The following NHSL2 variants were observed in gnomAD, a reference collection of about 807,000 sequenced individuals.
NHSL2 encodes the protein NHS-like protein 2.
NHSL2 carries 27 observed loss-of-function variants against 53.4 expected under a neutral mutation model. The observed-to-expected ratio is 0.51, with a 90% confidence interval of 0.37 to 0.70. NHSL2 has a LOEUF of 0.70. Ranked by LOEUF, NHSL2 falls within the 30% of genes least tolerant of loss-of-function variation. The pLI is 0.00. For synonymous variants in NHSL2, 408 were observed against 404.1 expected (o/e 1.01, Z -0.12); for missense variants, 892 against 980.1 (o/e 0.91, Z 1.20).
intron 1 of NHSL2, among the ~76,000 whole-genome samples, chrX:71,965,609 A>G (rs1364883128): frequency 8.9e-6 from 1 of 111,927 alleles, no homozygotes; most frequent in Non-Finnish European, 1.9e-5. Flanking sequence ...ACCTCTCCAT[A>G]TAAACTTTAG....
intron 1 of NHSL2, among the ~76,000 whole-genome samples, chrX:71,936,418 T>C (rs1396061072): frequency 1.8e-5 from 2 of 112,102 alleles, no homozygotes; most frequent in Non-Finnish European, 3.8e-5. Flanking sequence ...AGTGGGTCAG[T>C]GGATGGCCTC....
chrX:71,997,181 G>A (rs1186474025), intron 1 of NHSL2, among the ~76,000 whole-genome samples: 1 of 111,740 alleles, frequency 8.9e-6, no homozygotes, highest in East Asian at 2.8e-4. Context: ...GGTGGGGCAG[G>A]GCCACTACAA....
chrX:72,031,092 C>A (rs1046500313), intron 1 of NHSL2, among the ~76,000 whole-genome samples: 14 of 112,201 alleles, frequency 1.2e-4, no homozygotes, highest in African/African-American at 4.5e-4. Flanking sequence ...CATAATTTAA[C>A]ACTCGGAAGG....
chrX:71,964,709 C>T (rs1035271205), intron 1 of NHSL2, among the ~76,000 whole-genome samples: 1 of 112,115 alleles, frequency 8.9e-6, no homozygotes. Flanking sequence ...AGCCAGCTTA[C>T]AGTTAAGCCT....
chrX:72,150,194 A>G lies in NHSL2; in HGVS notation c.*6620A>G, dbSNP rs189674140. ...CAATATGTGCACCCTACTTAGTACA[A>G]TGGATGTTTTCCCTAAAAGTTGTGT... On this transcript the variant is annotated 3_prime_UTR_variant, in exon 8 of 8. Transcript: ENST00000633930. 1 of 112,720 alleles carries G rather than the reference A, an allele frequency of 8.9e-6. No homozygotes were observed. Among genetic ancestry groups the G allele is most frequent in the Non-Finnish European group, 1.9e-5 (1 of 53,344 alleles). The allele number at this position is 112,720 out of a possible 1,213,427, so 9.3% of individuals were successfully genotyped here. A position where few individuals can be genotyped will look rare whatever the true frequency, so the allele number is the denominator to read the frequency against.
rs1406854024 is a variant in NHSL2, at chrX:72,152,815, T to C, written c.*9241T>C. ...TAGGAAGGGAAACCAGGCTTGTGCC[T>C]TGGATCCAAAAGCAGCAAAAATACT... On this transcript the variant is annotated 3_prime_UTR_variant, in exon 8 of 8. Transcript: ENST00000633930. The C allele has an allele frequency of 8.9e-6, 1 of 112,829 alleles. No homozygotes were observed. Among genetic ancestry groups the C allele is most frequent in the Non-Finnish European group, 1.9e-5 (1 of 53,397 alleles). 9.3% of individuals were successfully genotyped at this position (112,829 alleles called of 1,213,427 possible).
chrX:71,975,098 A>G (rs2041942605), intron 1 of NHSL2, among the ~76,000 whole-genome samples: 1 of 111,852 alleles, frequency 8.9e-6, no homozygotes, highest in African/African-American at 3.3e-5. Context: ...TGCTGGCCGC[A>G]GGACTACTGG....
At chrX:72,054,099 CT>C (rs908758031) in intron 1 of NHSL2, among the ~76,000 whole-genome samples, 2 of 111,482 alleles carry the variant, frequency 1.8e-5, no homozygotes, top group African/African-American at 6.5e-5. Context: ...TGGGCCAGCT[CT>C]GCTGTAGGTG....
chrX:72,004,762 C>A (rs1038701742), intron 1 of NHSL2, among the ~76,000 whole-genome samples: 2 of 108,485 alleles, frequency 1.8e-5, no homozygotes, highest in African/African-American at 6.8e-5. Flanking sequence ...CTTTCAGGCC[C>A]CAGTTTTCAG....
At chrX:71,974,535 G>T (rs894045218) in intron 1 of NHSL2, among the ~76,000 whole-genome samples, 5 of 111,698 alleles carry the variant, frequency 4.5e-5, no homozygotes, top group African/African-American at 1.6e-4. Flanking sequence ...GGTTAAGTAG[G>T]GCCTTCTCTG....
Position 72,134,198 on chromosome X carries a change from C to T in NHSL2, c.544C>T (p.Arg182Cys), listed in dbSNP as rs192633253. 8.7e-4 allele frequency: 1,010 copies of T among 1,165,642 alleles called. 6 individuals are homozygous for T. The African/African-American group carries it at 0.016, about 19-fold the overall frequency. The change falls in exon 3 of 8, where the codon CGT becomes TGT. Residue 182 changes from arginine (R) to cysteine (C), a missense_variant. Coordinates refer to ENST00000633930, the MANE Select transcript of NHSL2 (RefSeq NM_001013627.3). ...TPNPRPQSAR[R>C]LEFILMPTKR... ...CAACCCAAGGCCCCAGTCTGCCAGG[C>T]GTCTGGAGTTTATATTGATGGTGAG...
intron 1 of NHSL2, among the ~76,000 whole-genome samples, chrX:72,047,155 C>T (rs2042310405): frequency 9.0e-6 from 1 of 111,281 alleles, no homozygotes. Flanking sequence ...ACATACACAT[C>T]TCACTTCATC....
At chrX:72,133,995 G>A in intron 2 of NHSL2, 96 bp from the exon 3 acceptor site, 3 of 889,531 alleles carry the variant, frequency 3.4e-6, no homozygotes, top group African/African-American at 4.0e-5. Flanking sequence ...GTCAGGCCTG[G>A]CAGCTAGAGC....
intron 1 of NHSL2, among the ~76,000 whole-genome samples, chrX:72,050,846 G>A (rs947597164): frequency 1.8e-5 from 2 of 108,535 alleles, no homozygotes; most frequent in Non-Finnish European, 3.8e-5. Flanking sequence ...CTGAGGTTGC[G>A]TCACTGTACT....
At chrX:71,947,568 A>G (rs1202813943) in intron 1 of NHSL2, among the ~76,000 whole-genome samples, 2 of 112,082 alleles carry the variant, frequency 1.8e-5, no homozygotes, top group African/African-American at 6.5e-5. Flanking sequence ...GGAGACTAGT[A>G]TTCATTGAAT....
intron 1 of NHSL2, among the ~76,000 whole-genome samples, chrX:72,091,285 C>G (rs1241345905): frequency 1.8e-5 from 2 of 111,368 alleles, no homozygotes; most frequent in Non-Finnish European, 3.8e-5. Flanking sequence ...AACCCCGTCT[C>G]TACTAAAAAT....
Position 72,132,198 on chromosome X carries a change from CG to C in NHSL2, c.403del (p.Glu135ArgfsTer53). 2.6e-6 allele frequency: 3 copies of C among 1,165,231 alleles called. No individual in the cohort carries two copies. The highest frequency in any genetic ancestry group is 3.4e-6 in the Non-Finnish European group (3 of 871,688). On this transcript the variant is annotated frameshift_variant, in exon 2 of 8. Transcript: ENST00000633930. LOFTEE classifies it high-confidence loss of function. ...GCCCCCGAGTGTAGAGGAGCTGCTT[CG>C]GGAGGCGCAGCTCAATCTCCAGAGC... ...GRPPSVEELL[R>X]EAQLNLQSLL...
rs979076965 is a variant in NHSL2 at position 72,149,610 on chromosome X, G to GT, written c.*6037dup. 4.5e-5 allele frequency: 5 copies of GT among 112,191 alleles called. No homozygotes were observed. Among genetic ancestry groups the GT allele is most frequent in the Non-Finnish European group, 7.5e-5 (4 of 53,231 alleles). 9.2% of individuals were successfully genotyped at this position (112,191 alleles called of 1,213,427 possible). On this transcript the variant is annotated 3_prime_UTR_variant, in exon 8 of 8. Transcript: ENST00000633930. ...TCATGGCGAAGAAATATCAATATAT[G>GT]TATGTGCTGAGGTCTTCTGATGAAT...
chrX:72,107,294 A>C (rs1380258533), intron 1 of NHSL2, among the ~76,000 whole-genome samples: 1 of 110,996 alleles, frequency 9.0e-6, no homozygotes, highest in Non-Finnish European at 1.9e-5. Flanking sequence ...TAAATAAATA[A>C]ATAAACAATA....
Sources: gnomAD v4.1 joint callset for allele counts (sites outside exome capture counted in the v4.1 genomes callset) on GRCh38, gnomAD v4.1.1 for gene constraint, MANE v1.5 for transcripts, NCBI Gene and HGNC (gene_info 2026-07-23, HGNC 2026-07-21) for gene names.